The following G6PD variants were observed in gnomAD, a reference collection of about 807,000 sequenced individuals.
G6PD encodes the protein glucose-6-phosphate 1-dehydrogenase.
G6PD carries 2 observed loss-of-function variants against 38.2 expected under a neutral mutation model. That is an observed-to-expected ratio of 0.05 (90% CI 0.02 to 0.16). G6PD has a LOEUF of 0.16. Ranked by LOEUF, G6PD falls within the 10% of genes least tolerant of loss-of-function variation. G6PD has a pLI of 1.00. For synonymous variants in G6PD, 188 were observed against 196.0 expected (o/e 0.96, Z 0.34); for missense variants, 310 against 471.6 (o/e 0.66, Z 3.17).
chrX:154,545,507 A>G (rs1191105565), intron 2 of G6PD, among the ~76,000 whole-genome samples: 5 of 111,579 alleles, frequency 4.5e-5, no homozygotes, highest in Non-Finnish European at 7.5e-5. Context: ...CTCCAGGATT[A>G]AGGGCTACAT....
rs73573478 is a variant in G6PD at position 154,533,349 on chromosome X, G to A, written c.865-221C>T. ...TGATGAACAAGCTGAGGCCCAGAGA[G>A]GCAATGGCCTTCCCTGGTCACATAG... On this transcript the variant is annotated intron_variant, in intron 8 of 12. Transcript: ENST00000393562. The A allele has an allele frequency of 0.011, 5,303 of 497,265 alleles. 196 individuals carry two copies. The African/African-American group carries it at 0.11, about 10-fold the overall frequency. The allele number at this position is 497,265 out of a possible 1,213,427, so 41.0% of individuals were successfully genotyped here.
chrX:154,536,561 G>A (rs1954334564), intron 2 of G6PD, among the ~76,000 whole-genome samples: 1 of 112,694 alleles, frequency 8.9e-6, no homozygotes, highest in Admixed American at 9.4e-5. Flanking sequence ...AGGGCCAGAT[G>A]CGGTGGCTCA....
At position 154,533,025 on chromosome X, in the gene G6PD, A is replaced by G. The variant is rs76723693; in HGVS notation, c.968T>C (p.Leu323Pro). 308 of 1,211,131 alleles carry G rather than the reference A, an allele frequency of 2.5e-4. 1 individual carries two copies. In the African/African-American group the frequency reaches 3.7e-3, roughly 14 times the overall value. ...CCCGCGGGGCACCGTGGGGTCGTCCAGGTACCCTTTGGTGGCCTCGCCCTC... is the reference window on the plus strand; with the variant it reads ...CCCGCGGGGCACCGTGGGGTCGTCCGGGTACCCTTTGGTGGCCTCGCCCTC... ...DGEGEATKGY[L>P]DDPTVPRGST... Residue 323 changes from leucine to proline, a missense_variant, in exon 9 of 13, where the codon CTG becomes CCG. Transcript: ENST00000393562.
chrX:154,535,437 G>C (rs376687711), intron 4 of G6PD, 52 bp from the exon 5 acceptor site: 1 of 1,076,631 alleles, frequency 9.3e-7, no homozygotes. Flanking sequence ...CCCTCTCTTT[G>C]AGTCCGTGTG....
chrX:154,535,315 T>C lies in G6PD; in HGVS notation c.338A>G (p.Asp113Gly), dbSNP rs370451233. 11 of 1,210,335 alleles carry C rather than the reference T, an allele frequency of 9.1e-6. No individual in the cohort carries two copies. The highest frequency in any genetic ancestry group is 1.1e-5 in the Non-Finnish European group (10 of 895,204). ...ARNSYVAGQY[D>G]DAASYQRLNS... is the part of the protein sequence containing the mutation. ...GAGGCGCTGGTAGGAGGCTGCATCA[T>C]CGTACTGGCCAGCCACATAGGAGTT... The change falls in exon 5 of 13, where the codon GAT becomes GGT. Residue 113 changes from aspartate to glycine, a missense_variant. Asp to Gly is a moderately conservative substitution (Grantham distance 94). Coordinates refer to ENST00000393562, the MANE Select transcript of G6PD (RefSeq NM_001360016.2).
At chrX:154,547,388 G>A (rs946439673), upstream of G6PD, 3 of 754,400 alleles carry the variant, frequency 4.0e-6, no homozygotes, top group Admixed American at 2.6e-4. Flanking sequence ...AGCGCCCCGA[G>A]GCTAGACGCC....
At chrX:154,538,460 A>G (rs934219539) in intron 2 of G6PD, among the ~76,000 whole-genome samples, 16 of 112,543 alleles carry the variant, frequency 1.4e-4, no homozygotes, top group African/African-American at 4.5e-4. Flanking sequence ...AGAGATTAAA[A>G]AAAACCTCTA....
At chrX:154,537,816 G>A (rs2070427950) in intron 2 of G6PD, among the ~76,000 whole-genome samples, 1 of 111,377 alleles carries the variant, frequency 9.0e-6, no homozygotes, top group Non-Finnish European at 1.9e-5. Flanking sequence ...GGGGCCTACA[G>A]AGCCTTGGTA....
intron 4 of G6PD, chrX:154,535,586 G>A: frequency 2.1e-6 from 1 of 468,781 alleles, no homozygotes; most frequent in South Asian, 3.0e-5. Flanking sequence ...GCCAAAGCAG[G>A]CAGCACAGAC....
chrX:154,545,888 G>C (rs1051432645), intron 2 of G6PD, 148 bp downstream of exon 2: 2 of 680,960 alleles, frequency 2.9e-6, no homozygotes, highest in Non-Finnish European at 4.6e-6. Context: ...ACCAGGTAGA[G>C]CCGGGATGAT....
chrX:154,532,519 C>G, intron 10 of G6PD, 48 bp downstream of exon 10: 1 of 1,204,622 alleles, frequency 8.3e-7, no homozygotes, highest in Non-Finnish European at 1.1e-6. Context: ...TGGAGTCCCC[C>G]GGGCCCAGGC....
chrX:154,546,904 T>C (rs2148353537), upstream of G6PD: 2 of 825,833 alleles, frequency 2.4e-6, no homozygotes, highest in East Asian at 4.6e-5. Flanking sequence ...GCGCCTGGGC[T>C]GAGCGGACCC....
At chrX:154,533,819 G>A (rs1256358451) in intron 7 of G6PD, 150 bp from the exon 8 acceptor site, 6 of 1,179,230 alleles carry the variant, frequency 5.1e-6, no homozygotes, top group Non-Finnish European at 5.7e-6. Flanking sequence ...TTAAATCAAG[G>A]AAGGACATGG....
rs782094249 is a variant in G6PD, at chrX:154,531,969, C to T, written c.*31G>A. 10 of 624,360 alleles carry T rather than the reference C, an allele frequency of 1.6e-5. No homozygotes were observed. The Admixed American group carries it at 2.6e-4, about 16-fold the overall frequency. 51.5% of individuals were successfully genotyped at this position (624,360 alleles called of 1,213,427 possible). On this transcript the variant is annotated 3_prime_UTR_variant, in exon 13 of 13. Coordinates refer to ENST00000393562, the MANE Select transcript of G6PD (RefSeq NM_001360016.2). ...GTCGGGCGGCGGGAAGGAGGGTGGCCGTGGCGGGGGTGGAGGTGGGTGCCC... is the reference window on the plus strand; with the variant it reads ...GTCGGGCGGCGGGAAGGAGGGTGGCTGTGGCGGGGGTGGAGGTGGGTGCCC...
chrX:154,544,546 C>T (rs918971508), intron 2 of G6PD, among the ~76,000 whole-genome samples: 24 of 112,422 alleles, frequency 2.1e-4, no homozygotes, highest in Admixed American at 1.9e-4. Context: ...CCACCTGCCT[C>T]GGCCTCCCAA....
chrX:154,533,906 A>ACT lies in G6PD; in HGVS notation c.770+128_770+129insAG. The ACT allele has an allele frequency of 4.2e-6, 5 of 1,199,307 alleles. No individual in the cohort carries two copies. The East Asian group carries it at 1.5e-4, about 36-fold the overall frequency. On this transcript the variant is annotated intron_variant, in intron 7 of 12. Coordinates refer to ENST00000393562, the MANE Select transcript of G6PD (RefSeq NM_001360016.2). The stretch of plus-strand genomic sequence containing the variant: ...CCAGCCCTTTCCAGCCCGGTCTGAT[A>ACT]GCTCAGACACTTAGGTTTTGAACTG...
rs782118135 is a variant in G6PD, at chrX:154,534,097, G to A, written c.708C>T (p.Thr236=). The A allele has an allele frequency of 9.9e-6, 12 of 1,210,398 alleles. No individual in the cohort carries two copies. The Middle Eastern group carries it at 6.9e-4, about 69-fold the overall frequency. Residue 236 remains threonine (T), a synonymous_variant, in exon 7 of 13, where the codon ACC becomes ACT. Coordinates refer to ENST00000393562, the MANE Select transcript of G6PD (RefSeq NM_001360016.2). ...NRDNIACVIL[T]FKEPFGTEGR... ...CCTCAGTGCCAAAGGGCTCCTTGAA[G>A]GTGAGGATAACGCAGGCGATGTTGT...
chrX:154,547,535 C>G (rs1407852065), upstream of G6PD: 4 of 754,954 alleles, frequency 5.3e-6, no homozygotes, highest in South Asian at 2.0e-4. Context: ...GCGGCCCTAC[C>G]GCGGCCTCAC....
At position 154,533,099 on chromosome X, in the gene G6PD, C is replaced by A; in HGVS notation, c.894G>T (p.Val298=). ...GGCCCAGGACCACATTGTTGGCCTGCACCTCTGAGATGCATTTCAACACCT... is the reference window on the plus strand; with the variant it reads ...GGCCCAGGACCACATTGTTGGCCTGAACCTCTGAGATGCATTTCAACACCT... The part of the protein sequence containing the change: ...KVKVLKCISE[V]QANNVVLGQY... The change falls in exon 9 of 13, where the codon GTG becomes GTT. Residue 298 remains valine, a synonymous_variant. Transcript: ENST00000393562. The A allele has an allele frequency of 8.2e-7, 1 of 1,212,268 alleles. No homozygotes were observed. The highest frequency in any genetic ancestry group is 1.7e-5 in the African/African-American group (1 of 57,985).
Sources: gnomAD v4.1 joint callset for allele counts (sites outside exome capture counted in the v4.1 genomes callset) on GRCh38, gnomAD v4.1.1 for gene constraint, MANE v1.5 for transcripts, NCBI Gene and HGNC (gene_info 2026-07-23, HGNC 2026-07-21) for gene names.